The following PCDHGA8 variants were observed in gnomAD, a reference collection of about 807,000 sequenced individuals.
PCDHGA8 encodes the protein protocadherin gamma-A8.
In PCDHGA8, 45 loss-of-function variants were observed where a neutral mutation model predicts 59.2. The ratio of observed to expected loss-of-function variants is 0.76; its 90% CI spans 0.60 to 0.98. The LOEUF is 0.98. PCDHGA8 is among the 50% of genes least tolerant of loss of function. PCDHGA8 has a pLI of 0.00. For missense variants in PCDHGA8, 1,257 were observed against 1,196.2 expected, an observed-to-expected ratio of 1.05 and a Z score of -0.75; for synonymous variants, 531 against 519.0, an observed-to-expected ratio of 1.02 and a Z score of -0.32.
chr5:141,415,755 T>C (rs753465209), intron 1 of PCDHGA8: 19 of 1,387,632 alleles, frequency 1.4e-5, no homozygotes, highest in Middle Eastern at 2.6e-4. Flanking sequence ...TTTTTTTTTT[T>C]TTTTTTTTTT....
At chr5:141,510,674 GGCAT>G (rs1388331907) in intron 3 of PCDHGA8, among the ~76,000 whole-genome samples, 6 of 152,132 alleles carry the variant, frequency 3.9e-5, no homozygotes, top group Non-Finnish European at 8.8e-5. Flanking sequence ...AAACTGAAGT[GGCAT>G]AAGGAGGTTA....
intron 1 of PCDHGA8, among the ~76,000 whole-genome samples, chr5:141,468,921 G>A (rs1254189500): frequency 6.6e-6 from 1 of 151,342 alleles, no homozygotes; most frequent in African/African-American, 2.4e-5. Context: ...GAAGAGAATA[G>A]CACTAAAATG....
intron 1 of PCDHGA8, chr5:141,475,983 C>A: frequency 9.5e-7 from 1 of 1,049,244 alleles, no homozygotes; most frequent in Non-Finnish European, 1.4e-6. Context: ...GAACAGCCGG[C>A]GAGCAAATCA....
chr5:141,509,056 G>C (rs1303823294), intron 3 of PCDHGA8, among the ~76,000 whole-genome samples: 1 of 152,178 alleles, frequency 6.6e-6, no homozygotes, highest in Non-Finnish European at 1.5e-5. Flanking sequence ...CCCCCAGAAA[G>C]CTCTCAGCTC....
At chr5:141,414,334 AC>A (rs1187631098) in intron 1 of PCDHGA8, 2 of 1,613,782 alleles carry the variant, frequency 1.2e-6, no homozygotes, top group South Asian at 2.2e-5. Context: ...TGGACAGGTA[AC>A]CTGTTCCATT....
chr5:141,512,712 A>G lies in PCDHGA8; in HGVS notation c.*1539A>G, dbSNP rs1362654237. 1 of 152,806 alleles carries G rather than the reference A, an allele frequency of 6.5e-6. No homozygotes were observed. The highest frequency in any genetic ancestry group is 2.4e-5 in the African/African-American group (1 of 41,414). 9.5% of individuals were successfully genotyped at this position (152,806 alleles called of 1,614,324 possible). On this transcript the variant is annotated 3_prime_UTR_variant, in exon 4 of 4. Coordinates refer to ENST00000398604, the MANE Select transcript of PCDHGA8 (RefSeq NM_032088.2). Reference sequence around the variant, plus strand: ...GTGTAGTGCGGTGTGCTTTTACGTGATGGCGGGTGGGCAGCGGGCGGCGGG... The same window carrying G: ...GTGTAGTGCGGTGTGCTTTTACGTGGTGGCGGGTGGGCAGCGGGCGGCGGG...
At chr5:141,448,069 T>G (rs1184496754) in intron 1 of PCDHGA8, among the ~76,000 whole-genome samples, 1 of 151,202 alleles carries the variant, frequency 6.6e-6, no homozygotes, top group African/African-American at 2.4e-5. Context: ...CTGGGCAACA[T>G]GAACGAAATG....
intron 1 of PCDHGA8, chr5:141,475,956 G>T (rs2099382674): frequency 2.5e-6 from 2 of 805,186 alleles, no homozygotes; most frequent in South Asian, 1.9e-5. Flanking sequence ...TCTGCGCCCC[G>T]GGATGAGGCA....
rs1252361961 is a variant in PCDHGA8 at position 141,486,106 on chromosome 5, G to A, written c.2425-8701G>A. The A allele has an allele frequency of 2.5e-6, 4 of 1,614,190 alleles. No individual in the cohort carries two copies. The highest frequency in any genetic ancestry group is 1.1e-5 in the South Asian group (1 of 91,086). Reference sequence around the variant, plus strand: ...CTCTTTTGGGGCCCCTAGACTTTGAGAGTGAGAATTACTATGAATTTGATG... The same window carrying A: ...CTCTTTTGGGGCCCCTAGACTTTGAAAGTGAGAATTACTATGAATTTGATG... On this transcript the variant is annotated intron_variant, in intron 1 of 3. Transcript: ENST00000398604. The surrounding 1 kb of genome is among the most constrained non-coding windows in gnomAD (Gnocchi z 5.0).
chr5:141,433,406 TTA>T (rs2097606059), intron 1 of PCDHGA8, among the ~76,000 whole-genome samples: 1 of 149,982 alleles, frequency 6.7e-6, no homozygotes. Flanking sequence ...TATCTATCTA[TTA>T]CTTTCTTGTA....
chr5:141,402,867 C>T, intron 1 of PCDHGA8: 2 of 1,443,510 alleles, frequency 1.4e-6, no homozygotes, highest in Non-Finnish European at 1.8e-6. Context: ...AGGAAAAGAT[C>T]ACCATACTTT....
At chr5:141,449,156 G>T (rs4432943) in intron 1 of PCDHGA8, among the ~76,000 whole-genome samples, 84,481 of 151,978 alleles carry the variant, frequency 0.56, 26,202 homozygotes, top group African/African-American at 0.85. Context: ...GGTCAAAGAG[G>T]AAATAGGTGT....
At chr5:141,400,059 T>C (rs2093953035) in intron 1 of PCDHGA8, 2 of 1,613,750 alleles carry the variant, frequency 1.2e-6, no homozygotes, top group South Asian at 2.2e-5. Context: ...CTGTGCGTGA[T>C]GGTGGACAGC....
chr5:141,425,881 A>T (rs911454948), intron 1 of PCDHGA8, among the ~76,000 whole-genome samples: 1 of 152,230 alleles, frequency 6.6e-6, no homozygotes, highest in Non-Finnish European at 1.5e-5. Flanking sequence ...TCTCTAAGGA[A>T]TCTTCTTTGG....
At chr5:141,480,702 C>T (rs1455955207) in intron 1 of PCDHGA8, among the ~76,000 whole-genome samples, 1 of 152,170 alleles carries the variant, frequency 6.6e-6, no homozygotes, top group African/African-American at 2.4e-5. Context: ...AGGCCACACC[C>T]CGACAAATGA....
chr5:141,396,943 G>A (rs1388753275), intron 1 of PCDHGA8, among the ~76,000 whole-genome samples: 6 of 152,178 alleles, frequency 3.9e-5, no homozygotes, highest in African/African-American at 1.2e-4. Flanking sequence ...TGCCCTGGTA[G>A]GAAAGAAAAT....
chr5:141,433,460 T>C (rs892333304), intron 1 of PCDHGA8, among the ~76,000 whole-genome samples: 1 of 152,064 alleles, frequency 6.6e-6, no homozygotes, highest in Non-Finnish European at 1.5e-5. Context: ...GATCTGAAAC[T>C]TGGGCTCAGG....
chr5:141,420,255 A>G lies in PCDHGA8; in HGVS notation c.2424+25018A>G, dbSNP rs917458059. The G allele has an allele frequency of 7.6e-6, 12 of 1,569,630 alleles. No homozygotes were observed. Among genetic ancestry groups the G allele is most frequent in the African/African-American group, 1.4e-5 (1 of 73,152 alleles). ...ATTTTAACTCCCAGCGTTGAAGCAG[A>G]TAAGAAGATTCTTAAACAGGTAAGT... is the stretch of plus-strand genomic sequence containing the variant. On this transcript the variant is annotated intron_variant, in intron 1 of 3. Coordinates refer to ENST00000398604, the MANE Select transcript of PCDHGA8 (RefSeq NM_032088.2).
chr5:141,471,427 AGT>A (rs1475862025), intron 1 of PCDHGA8: 1 of 152,188 alleles, frequency 6.6e-6, no homozygotes, highest in Non-Finnish European at 1.5e-5. Flanking sequence ...TAGCAAGGAA[AGT>A]GTATAATCTC....
Sources: allele counts gnomAD v4.1 joint callset (sites outside exome capture counted in the v4.1 genomes callset), GRCh38; gene constraint gnomAD v4.1.1; non-coding constraint Gnocchi (gnomAD v3.1); transcripts MANE v1.5; gene names NCBI Gene and HGNC (gene_info 2026-07-23, HGNC 2026-07-21).